Variants in PLCG2 observed in about 807,000 individuals in gnomAD.
The protein encoded by PLCG2 is phospholipase C gamma 2.
PLCG2 carries 69 observed loss-of-function variants against 175.6 expected under a neutral mutation model. The ratio of observed to expected loss-of-function variants is 0.39; its 90% CI spans 0.32 to 0.48. PLCG2 has a LOEUF of 0.48. Ranked by LOEUF, PLCG2 falls within the 20% of genes least tolerant of loss-of-function variation. The pLI, the probability that PLCG2 is intolerant of heterozygous loss-of-function variation, is 0.91. For synonymous variants in PLCG2, 827 were observed against 624.0 expected (o/e 1.33, Z -4.85); for missense variants, 1,798 against 1,650.9 (o/e 1.09, Z -1.54).
intron 13 of PLCG2, 27 bp downstream of exon 13, chr16:81,895,954 T>C: frequency 8.1e-6 from 13 of 1,613,736 alleles, no homozygotes; most frequent in Non-Finnish European, 1.1e-5. Flanking sequence ...CTGGGTGGTG[T>C]GACTTAAAGG....
chr16:81,940,948 G>A (rs2143739979), intron 30 of PLCG2, among the ~76,000 whole-genome samples: 1 of 152,296 alleles, frequency 6.6e-6, no homozygotes, highest in Admixed American at 6.5e-5. Context: ...TGGTGCATGA[G>A]ATATGAGATC....
intron 2 of PLCG2, among the ~76,000 whole-genome samples, chr16:81,834,800 C>T (rs1905430760): frequency 6.6e-6 from 1 of 152,192 alleles, no homozygotes; most frequent in Admixed American, 6.5e-5. Context: ...TCCTGCCAGT[C>T]CCCAGAGCTT....
chr16:81,919,982 C>A (rs1909995646), intron 20 of PLCG2, among the ~76,000 whole-genome samples: 1 of 152,018 alleles, frequency 6.6e-6, no homozygotes, highest in Non-Finnish European at 1.5e-5. Flanking sequence ...AGAGGGTGGT[C>A]TAGGAAGATC....
At chr16:81,902,210 C>T (rs955823642) in intron 14 of PLCG2, among the ~76,000 whole-genome samples, 4 of 152,166 alleles carry the variant, frequency 2.6e-5, no homozygotes, top group Non-Finnish European at 4.4e-5. Context: ...ATGGAAGGAG[C>T]GAGTGTGAAT....
chr16:81,883,367 C>G, intron 9 of PLCG2, 26 bp downstream of exon 9: 1 of 1,591,910 alleles, frequency 6.3e-7, no homozygotes, highest in Non-Finnish European at 8.6e-7. Context: ...GTGTGGGTGC[C>G]TGAGGGAGCT....
At position 81,921,201 on chromosome 16, in the gene PLCG2, A is replaced by G. The variant is rs774085526; in HGVS notation, c.2239A>G (p.Arg747Gly). The change falls in exon 21 of 33, where the codon AGA becomes GGA. Residue 747 changes from arginine to glycine, a missense_variant. Arg to Gly is a moderately radical substitution (Grantham distance 125, BLOSUM62 -2). Transcript: ENST00000564138. ...PELLERYNME[R>G]DINSLYDVSR... is the part of the protein sequence containing the mutation. ...CTTTCTTTCTTTTTTTTTCCAGGAA[A>G]GAGATATAAACTCCCTCTACGACGT... is the stretch of plus-strand genomic sequence containing the variant. 2 of 1,576,298 alleles carry G rather than the reference A, an allele frequency of 1.3e-6. No homozygotes were observed. The highest frequency in any genetic ancestry group is 2.2e-5 in the East Asian group (1 of 44,620).
intron 3 of PLCG2, among the ~76,000 whole-genome samples, chr16:81,857,718 A>C (rs1265615756): frequency 6.6e-6 from 1 of 152,106 alleles, no homozygotes; most frequent in Non-Finnish European, 1.5e-5. Flanking sequence ...ATACCTCACA[A>C]AGGCCCTACC....
chr16:81,928,539 A>C lies in PLCG2; in HGVS notation c.2515-19A>C. The C allele has an allele frequency of 6.5e-7, 1 of 1,536,822 alleles. No homozygotes were observed. Among genetic ancestry groups the C allele is most frequent in the African/African-American group, 1.4e-5 (1 of 73,586 alleles). On this transcript the variant is annotated intron_variant, in intron 23 of 32. Coordinates refer to ENST00000564138, the MANE Select transcript of PLCG2 (RefSeq NM_002661.5). ...ATTCCCGTTACAACTAACGTGAGTT[A>C]TGTCTTGTTTCTTCACAGATTATTG...
intron 2 of PLCG2, among the ~76,000 whole-genome samples, chr16:81,765,119 G>A (rs1312384307): frequency 7.9e-5 from 12 of 152,280 alleles, no homozygotes; most frequent in African/African-American, 2.6e-4. Context: ...ATCAATGACT[G>A]GTGTGTCATA....
At chr16:81,814,688 C>T (rs1424080857) in intron 2 of PLCG2, among the ~76,000 whole-genome samples, 2 of 151,874 alleles carry the variant, frequency 1.3e-5, no homozygotes, top group Non-Finnish European at 2.9e-5. Flanking sequence ...GTACGAGACT[C>T]TGTCTCAAAA....
intron 2 of PLCG2, among the ~76,000 whole-genome samples, chr16:81,843,879 C>T (rs966355302): frequency 1.2e-4 from 18 of 152,238 alleles, no homozygotes; most frequent in African/African-American, 4.1e-4. Context: ...TGTCTAACTG[C>T]TTCTCTTCCA....
chr16:81,944,307 G>A (rs1321060436), intron 30 of PLCG2, among the ~76,000 whole-genome samples: 1 of 152,120 alleles, frequency 6.6e-6, no homozygotes, highest in Non-Finnish European at 1.5e-5. Context: ...AAATATTTTT[G>A]AAAACATTAT....
intron 1 of PLCG2, among the ~76,000 whole-genome samples, chr16:81,749,048 C>T (rs536878412): frequency 4.8e-4 from 73 of 152,212 alleles, no homozygotes; most frequent in African/African-American, 1.8e-3. Flanking sequence ...CTGTGGTGCT[C>T]ACTAAAGCTC....
At chr16:81,801,611 A>G (rs1911722366) in intron 2 of PLCG2, among the ~76,000 whole-genome samples, 1 of 152,184 alleles carries the variant, frequency 6.6e-6, no homozygotes, top group South Asian at 2.1e-4. Context: ...AAATTACTAT[A>G]GGATTCTACC....
At chr16:81,795,154 G>T (rs1258901320) in intron 2 of PLCG2, among the ~76,000 whole-genome samples, 1 of 152,190 alleles carries the variant, frequency 6.6e-6, no homozygotes, top group Non-Finnish European at 1.5e-5. Context: ...GATCTCTAGA[G>T]GATCTTACAA....
intron 2 of PLCG2, among the ~76,000 whole-genome samples, chr16:81,769,819 C>CAAAAA (rs71146043): frequency 2.6e-5 from 2 of 75,660 alleles, no homozygotes; most frequent in African/African-American, 1.2e-4. Flanking sequence ...GACTCCGTCT[C>CAAAAA]AAAAAAAAAA....
At chr16:81,914,620 G>A (rs1909763869) in intron 19 of PLCG2, among the ~76,000 whole-genome samples, 4 of 152,206 alleles carry the variant, frequency 2.6e-5, no homozygotes, top group Admixed American at 2.6e-4. Context: ...CCTACTGTGT[G>A]CCGGGCCCTG....
chr16:81,761,816 T>G (rs1425603773), intron 2 of PLCG2, among the ~76,000 whole-genome samples: 1 of 151,320 alleles, frequency 6.6e-6, no homozygotes, highest in Non-Finnish European at 1.5e-5. Context: ...CTACCTATGA[T>G]TTCACCCTGC....
chr16:81,799,470 G>C (rs1237887094), intron 2 of PLCG2, among the ~76,000 whole-genome samples: 2 of 152,158 alleles, frequency 1.3e-5, no homozygotes, highest in Non-Finnish European at 2.9e-5. Context: ...TGTCACCCAG[G>C]TTGGTGTGCA....
Sources: gnomAD v4.1 joint callset for allele counts (sites outside exome capture counted in the v4.1 genomes callset) on GRCh38, gnomAD v4.1.1 for gene constraint, MANE v1.5 for transcripts, NCBI Gene and HGNC (gene_info 2026-07-23, HGNC 2026-07-21) for gene names.